PTPRT: variants seen among roughly 807,000 people sequenced by gnomAD.
PTPRT encodes receptor-type tyrosine-protein phosphatase T.
Under a neutral mutation model 176.8 loss-of-function variants are expected in PTPRT, and 56 were observed. That is an observed-to-expected ratio of 0.32 (90% CI 0.26 to 0.40). PTPRT has a LOEUF of 0.40. Ranked by LOEUF, PTPRT falls within the 10% of genes least tolerant of loss-of-function variation. The probability of loss-of-function intolerance (pLI) is 1.00; values close to 1 mark genes in which losing one functional copy is unlikely to be tolerated. For missense variants in PTPRT, 1,540 were observed against 1,908.2 expected (o/e 0.81, Z 3.60); for synonymous variants, 783 against 739.0 (o/e 1.06, Z -0.96).
At chr20:43,179,602 T>C (rs1163299505) in intron 1 of PTPRT, among the ~76,000 whole-genome samples, 1 of 152,252 alleles carries the variant, frequency 6.6e-6, no homozygotes, top group Non-Finnish European at 1.5e-5. Context: ...GATCTTCATA[T>C]TAATTCACTT....
chr20:42,058,924 C>T, the PTPRT span, among the ~76,000 whole-genome samples: 1 of 152,128 alleles, frequency 6.6e-6, no homozygotes, highest in East Asian at 1.9e-4. Flanking sequence ...AATCAAGGGG[C>T]CTTTGGATCA....
At chr20:42,404,255 A>T (rs2145714685) in intron 9 of PTPRT, among the ~76,000 whole-genome samples, 1 of 152,254 alleles carries the variant, frequency 6.6e-6, no homozygotes, top group African/African-American at 2.4e-5. Context: ...CCTGTGTGGA[A>T]TCCATCACTC....
chr20:43,142,146 C>T (rs896277791), intron 1 of PTPRT, among the ~76,000 whole-genome samples: 2 of 152,202 alleles, frequency 1.3e-5, no homozygotes, highest in African/African-American at 2.4e-5. Flanking sequence ...TATGCCCATG[C>T]CCTAGGCACC....
chr20:42,286,834 G>T (rs1163523643), intron 12 of PTPRT, among the ~76,000 whole-genome samples: 1 of 151,878 alleles, frequency 6.6e-6, no homozygotes, highest in Non-Finnish European at 1.5e-5. Context: ...GAAAGTATCT[G>T]CAAACTATTC....
chr20:42,665,550 CT>C (rs1569067506), intron 7 of PTPRT, among the ~76,000 whole-genome samples: 1 of 152,128 alleles, frequency 6.6e-6, no homozygotes, highest in Non-Finnish European at 1.5e-5. Flanking sequence ...CCTCAGGGAT[CT>C]AGAACTGGAA....
At chr20:42,765,761 T>G (rs2076974188) in intron 5 of PTPRT, among the ~76,000 whole-genome samples, 1 of 152,036 alleles carries the variant, frequency 6.6e-6, no homozygotes, top group Admixed American at 6.6e-5. Flanking sequence ...AAGCTTAATA[T>G]TATATGACTC....
At chr20:42,977,686 G>C (rs2146079395) in intron 1 of PTPRT, among the ~76,000 whole-genome samples, 1 of 152,220 alleles carries the variant, frequency 6.6e-6, no homozygotes, top group Admixed American at 6.5e-5. Flanking sequence ...TGTGACTTTT[G>C]ACAGGGCATT....
At chr20:42,383,487 G>A (rs1167757626) in intron 9 of PTPRT, among the ~76,000 whole-genome samples, 3 of 152,148 alleles carry the variant, frequency 2.0e-5, no homozygotes, top group Non-Finnish European at 2.9e-5. Context: ...TCACCAAGAG[G>A]GCTTCTAGTA....
rs191518899 is a variant in PTPRT at position 42,079,885 on chromosome 20, C to G, written c.*994G>C. On this transcript the variant is annotated 3_prime_UTR_variant, in exon 31 of 31. Coordinates refer to ENST00000373187, the MANE Select transcript of PTPRT (RefSeq NM_007050.6). Reference sequence around the variant, plus strand: ...CATTGCCAGGAAAAAATAAAAGGCCCGAGAGATTTGTCTTAGAGGTACATA... The same window carrying G: ...CATTGCCAGGAAAAAATAAAAGGCCGGAGAGATTTGTCTTAGAGGTACATA... 1.2e-3 allele frequency: 268 copies of G among 232,124 alleles called. No homozygotes were observed. Among genetic ancestry groups the G allele is most frequent in the African/African-American group, 5.1e-3 (230 of 45,364 alleles). 14.4% of individuals were successfully genotyped at this position (232,124 alleles called of 1,614,324 possible).
chr20:42,393,038 G>A (rs2058815814), intron 9 of PTPRT, among the ~76,000 whole-genome samples: 2 of 152,154 alleles, frequency 1.3e-5, no homozygotes, highest in Admixed American at 1.3e-4. Flanking sequence ...GTCTAATGGT[G>A]ATAAACTGAA....
chr20:43,032,995 A>C (rs28522379), intron 1 of PTPRT, among the ~76,000 whole-genome samples: 2,550 of 152,262 alleles, frequency 0.017, 66 homozygotes, highest in African/African-American at 0.058. Flanking sequence ...ACTTGAATTA[A>C]TTTGAATGTC....
chr20:42,108,093 G>T (rs1283654892), intron 23 of PTPRT, among the ~76,000 whole-genome samples: 1 of 152,126 alleles, frequency 6.6e-6, no homozygotes, highest in African/African-American at 2.4e-5. Context: ...CCATGCTTTA[G>T]TATAAAGAAT....
chr20:42,039,762 T>C, the PTPRT span, among the ~76,000 whole-genome samples: 5,774 of 138,230 alleles, frequency 0.042, 214 homozygotes, highest in Middle Eastern at 0.084. Flanking sequence ...TATATATATA[T>C]ACCCATATAT....
At chr20:42,559,870 C>T (rs1352724787) in intron 7 of PTPRT, among the ~76,000 whole-genome samples, 1 of 152,178 alleles carries the variant, frequency 6.6e-6, no homozygotes, top group African/African-American at 2.4e-5. Context: ...CTTACGTTCT[C>T]ATCCAAGCCG....
At chr20:43,184,555 C>CG (rs1399463759) in intron 1 of PTPRT, among the ~76,000 whole-genome samples, 1 of 152,042 alleles carries the variant, frequency 6.6e-6, no homozygotes, top group Non-Finnish European at 1.5e-5. Context: ...GGCATGGTGG[C>CG]GTGCACCTAT....
intron 8 of PTPRT, among the ~76,000 whole-genome samples, chr20:42,469,955 T>C (rs1194071902): frequency 6.6e-6 from 1 of 152,116 alleles, no homozygotes; most frequent in Non-Finnish European, 1.5e-5. Context: ...CTCTGAAGTA[T>C]TTAGAACTCG....
At chr20:42,938,572 T>C (rs1395688024) in intron 1 of PTPRT, among the ~76,000 whole-genome samples, 1 of 152,206 alleles carries the variant, frequency 6.6e-6, no homozygotes, top group Admixed American at 6.5e-5. Context: ...TTCCTGCCTC[T>C]CTGCATTTTT....
chr20:42,141,703 C>A (rs1988639352), intron 18 of PTPRT, among the ~76,000 whole-genome samples: 1 of 152,166 alleles, frequency 6.6e-6, no homozygotes, highest in South Asian at 2.1e-4. Flanking sequence ...CATCTCCCTG[C>A]CTGCTCCCTC....
chr20:42,041,370 G>T, the PTPRT span, among the ~76,000 whole-genome samples: 1 of 152,198 alleles, frequency 6.6e-6, no homozygotes, highest in African/African-American at 2.4e-5. Context: ...GGCTGGAATG[G>T]TGAGCATTTC....
Sources: allele counts gnomAD v4.1 joint callset (sites outside exome capture counted in the v4.1 genomes callset), GRCh38; gene constraint gnomAD v4.1.1; transcripts MANE v1.5; gene names NCBI Gene and HGNC (gene_info 2026-07-23, HGNC 2026-07-21).